PLD1: variants seen among roughly 807,000 people sequenced by gnomAD.
PLD1 encodes choline phosphatase 1.
Under a neutral mutation model 137.1 loss-of-function variants are expected in PLD1, and 112 were observed. The observed-to-expected ratio is 0.82, with a 90% CI of 0.70 to 0.96. The LOEUF is 0.96. Ranked by LOEUF, PLD1 falls within the 40% of genes least tolerant of loss-of-function variation. The probability of loss-of-function intolerance (pLI) is 0.00; values close to 1 mark genes in which losing one functional copy is unlikely to be tolerated. For missense variants in PLD1, 1,321 were observed against 1,342.0 expected (o/e 0.98, Z 0.24); for synonymous variants, 431 against 454.7 (o/e 0.95, Z 0.66).
Position 171,612,315 on chromosome 3 carries a change from C to G in PLD1, c.2846G>C (p.Gly949Ala), listed in dbSNP as rs200999021. 3 of 1,614,102 alleles carry G rather than the reference C, an allele frequency of 1.9e-6. No homozygotes were observed. In the East Asian group the frequency reaches 6.7e-5, roughly 36 times the overall value. The part of the protein sequence containing the change: ...SVMDGKEYQA[G>A]RFARGLRLQC... ...TAGCCGAAGTCCTCGGGCAAACCGGCCAGCTTGGTACTCTTTTCCATCCAT... is the reference window on the plus strand; with the variant it reads ...TAGCCGAAGTCCTCGGGCAAACCGGGCAGCTTGGTACTCTTTTCCATCCAT... The change falls in exon 25 of 27, where the codon GGC becomes GCC. Residue 949 changes from glycine (G) to alanine (A), a missense_variant. Gly to Ala is a moderately conservative substitution (Grantham distance 60). Transcript: ENST00000351298. The surrounding 1 kb of genome is among the most constrained non-coding windows in gnomAD (Gnocchi z 4.1).
intron 1 of PLD1, among the ~76,000 whole-genome samples, chr3:171,752,124 T>C (rs1362413002): frequency 6.6e-6 from 1 of 152,222 alleles, no homozygotes; most frequent in African/African-American, 2.4e-5. Context: ...GCATTAGAAC[T>C]ACATGTATCA....
intron 12 of PLD1, among the ~76,000 whole-genome samples, chr3:171,692,923 A>AT (rs2108523514): frequency 6.6e-6 from 1 of 152,370 alleles, no homozygotes; most frequent in Admixed American, 6.5e-5. Flanking sequence ...TGAGACACAA[A>AT]TATTAAAAAT....
chr3:171,755,791 A>C (rs187798979), intron 1 of PLD1, among the ~76,000 whole-genome samples: 70 of 152,216 alleles, frequency 4.6e-4, no homozygotes, highest in Admixed American at 7.2e-4. Context: ...ACTGTTTCCA[A>C]CTGCGATCCT....
chr3:171,689,817 T>C (rs1714969005), intron 13 of PLD1, among the ~76,000 whole-genome samples: 1 of 152,234 alleles, frequency 6.6e-6, no homozygotes, highest in East Asian at 1.9e-4. Context: ...GTTTTCTTAA[T>C]AACACATTTT....
chr3:171,620,782 T>A (rs1278626416), intron 23 of PLD1, among the ~76,000 whole-genome samples: 9 of 143,502 alleles, frequency 6.3e-5, no homozygotes, highest in African/African-American at 2.3e-4. Flanking sequence ...TATATATTTT[T>A]TTTTTAATTG....
intron 1 of PLD1, 135 bp from the exon 2 acceptor site, chr3:171,738,217 A>C: frequency 2.2e-6 from 1 of 447,006 alleles, no homozygotes; most frequent in Non-Finnish European, 3.9e-6. Context: ...AGTTATCCAA[A>C]ACAACCTTTT....
chr3:171,752,568 C>T (rs1000274435), intron 1 of PLD1, among the ~76,000 whole-genome samples: 2 of 152,214 alleles, frequency 1.3e-5, no homozygotes, highest in Admixed American at 6.5e-5. Flanking sequence ...AGCCTACTTT[C>T]TCTGAGCCTG....
At chr3:171,773,867 G>A (rs1222520830) in intron 1 of PLD1, among the ~76,000 whole-genome samples, 1 of 151,988 alleles carries the variant, frequency 6.6e-6, no homozygotes, top group African/African-American at 2.4e-5. Context: ...TTCTGCCTCA[G>A]CCTCCCGAGT....
chr3:171,678,280 T>A (rs1713591312), intron 16 of PLD1, among the ~76,000 whole-genome samples: 1 of 152,194 alleles, frequency 6.6e-6, no homozygotes, highest in Non-Finnish European at 1.5e-5. Flanking sequence ...GTTTTTTAGA[T>A]CATAAATCCA....
chr3:171,647,985 G>A (rs1180666254), intron 21 of PLD1, among the ~76,000 whole-genome samples: 1 of 152,076 alleles, frequency 6.6e-6, no homozygotes, highest in Non-Finnish European at 1.5e-5. Context: ...TGTCCTTTAT[G>A]TCTGACTTGT....
chr3:171,684,746 C>T (rs1281229122), intron 16 of PLD1, among the ~76,000 whole-genome samples: 2 of 152,124 alleles, frequency 1.3e-5, no homozygotes, highest in South Asian at 2.1e-4. Context: ...CAGATGCATG[C>T]CACCACACTC....
intron 1 of PLD1, among the ~76,000 whole-genome samples, chr3:171,757,796 G>C (rs1721129489): frequency 6.6e-6 from 1 of 152,172 alleles, no homozygotes; most frequent in South Asian, 2.1e-4. Flanking sequence ...CTCAAACACA[G>C]GAACTAAATG....
chr3:171,719,088 GTCT>G (rs1445777804), intron 8 of PLD1, among the ~76,000 whole-genome samples: 8 of 152,106 alleles, frequency 5.3e-5, no homozygotes, highest in Non-Finnish European at 1.2e-4. Flanking sequence ...AGACTTGCCA[GTCT>G]TCTTCTTTGG....
At chr3:171,699,707 TA>T in intron 12 of PLD1, 37 bp downstream of exon 12, 4 of 1,431,996 alleles carry the variant, frequency 2.8e-6, no homozygotes, top group Non-Finnish European at 3.9e-6. Flanking sequence ...AACAGACAGT[TA>T]AAAAATTATA....
intron 21 of PLD1, among the ~76,000 whole-genome samples, chr3:171,652,133 G>T (rs1736818473): frequency 6.6e-6 from 1 of 152,052 alleles, no homozygotes; most frequent in African/African-American, 2.4e-5. Flanking sequence ...ATGTGTTTTG[G>T]CCAGGCGCGG....
At chr3:171,670,156 TAAAG>T (rs1445005274) in intron 19 of PLD1, among the ~76,000 whole-genome samples, 1 of 135,222 alleles carries the variant, frequency 7.4e-6, no homozygotes, top group Non-Finnish European at 1.6e-5. Context: ...AGGGTGGAGA[TAAAG>T]AGAGGATGGT....
chr3:171,743,902 C>T (rs981367587), intron 1 of PLD1, among the ~76,000 whole-genome samples: 1 of 152,154 alleles, frequency 6.6e-6, no homozygotes, highest in African/African-American at 2.4e-5. Flanking sequence ...GATTAAGTGA[C>T]ATAATCAATG....
chr3:171,698,924 C>T (rs1283949206), intron 12 of PLD1, among the ~76,000 whole-genome samples: 4 of 145,934 alleles, frequency 2.7e-5, no homozygotes, highest in African/African-American at 1.0e-4. Flanking sequence ...TGCAGTGAGC[C>T]GAGACTGCAC....
rs1261328742 is a variant in PLD1 at position 171,809,980 on chromosome 3, G to T, written c.-32+419C>A. On this transcript the variant is annotated intron_variant, in intron 1 of 26. Transcript: ENST00000351298. ...GTTGGTACGGGATGCCGGTCCCATC[G>T]CCCCCACCAGCCCAGTCATGCCACC... 3 of 152,364 alleles carry T rather than the reference G, an allele frequency of 2.0e-5. No homozygotes were observed. In the East Asian group the frequency reaches 5.8e-4, roughly 29 times the overall value. The allele number at this position is 152,364 out of a possible 1,614,324, so 9.4% of individuals were successfully genotyped here. A position where few individuals can be genotyped will look rare whatever the true frequency, so the allele number is the denominator to read the frequency against.
Sources: gnomAD v4.1 joint callset for allele counts (sites outside exome capture counted in the v4.1 genomes callset) on GRCh38, gnomAD v4.1.1 for gene constraint, Gnocchi (gnomAD v3.1) non-coding constraint, MANE v1.5 for transcripts, NCBI Gene and HGNC (gene_info 2026-07-23, HGNC 2026-07-21) for gene names.